Variants in GALNT13 observed in about 807,000 individuals in gnomAD.
GALNT13 encodes the protein polypeptide N-acetylgalactosaminyltransferase 13.
Under a neutral mutation model 64.2 loss-of-function variants are expected in GALNT13, and 28 were observed. That is an observed-to-expected ratio of 0.44 (90% CI 0.32 to 0.60). The LOEUF (loss-of-function observed/expected upper bound fraction) is 0.60. Among genes scored for constraint, GALNT13 ranks in the 20% least tolerant of loss-of-function variants. The pLI, the probability that GALNT13 is intolerant of heterozygous loss-of-function variation, is 0.05. For synonymous variants in GALNT13, 214 were observed against 224.6 expected, an observed-to-expected ratio of 0.95 and a Z score of 0.42; for missense variants, 577 against 669.8, an observed-to-expected ratio of 0.86 and a Z score of 1.53.
intron 12 of GALNT13, among the ~76,000 whole-genome samples, chr2:154,448,987 A>T (rs928001537): frequency 6.6e-6 from 1 of 152,178 alleles, no homozygotes; most frequent in South Asian, 2.1e-4. Context: ...TTGATTTTTA[A>T]CTAGAACTGT....
intron 4 of GALNT13, among the ~76,000 whole-genome samples, chr2:154,170,535 C>A (rs1357738126): frequency 6.6e-6 from 1 of 152,012 alleles, no homozygotes; most frequent in East Asian, 1.9e-4. Flanking sequence ...CCCAAAGAGC[C>A]CAGTTTGAGC....
At chr2:154,435,366 C>G (rs1179028360) in intron 11 of GALNT13, among the ~76,000 whole-genome samples, 1 of 152,140 alleles carries the variant, frequency 6.6e-6, no homozygotes, top group Non-Finnish European at 1.5e-5. Context: ...CATAGTCAGG[C>G]ATAAAGGTTT....
the GALNT13 span, among the ~76,000 whole-genome samples, chr2:153,777,528 G>A: frequency 6.6e-6 from 1 of 152,124 alleles, no homozygotes; most frequent in African/African-American, 2.4e-5. Flanking sequence ...GGCAGCTAGG[G>A]GATTGAACAG....
the GALNT13 span, among the ~76,000 whole-genome samples, chr2:153,371,529 T>C: frequency 2.0e-5 from 3 of 152,152 alleles, no homozygotes; most frequent in Admixed American, 1.3e-4. Flanking sequence ...ATTTGAAATA[T>C]GCAATTATAA....
intron 3 of GALNT13, among the ~76,000 whole-genome samples, chr2:153,968,954 T>G (rs552428352): frequency 1.4e-5 from 1 of 70,564 alleles, no homozygotes; most frequent in Non-Finnish European, 3.0e-5. Context: ...TTCTTTGAGT[T>G]TTTCTTTTTT....
chr2:154,242,959 G>T, intron 6 of GALNT13, 54 bp downstream of exon 6: 2 of 1,336,796 alleles, frequency 1.5e-6, no homozygotes, highest in South Asian at 1.3e-5. Flanking sequence ...TCTTAGGACA[G>T]TTCCAGATGT....
At chr2:153,192,195 T>G in the GALNT13 span, among the ~76,000 whole-genome samples, 4 of 152,046 alleles carry the variant, frequency 2.6e-5, no homozygotes, top group Admixed American at 1.3e-4. Context: ...AACTTCTATC[T>G]TAGCATTGTT....
chr2:154,178,162 G>A (rs1685758692), intron 4 of GALNT13, among the ~76,000 whole-genome samples: 1 of 152,062 alleles, frequency 6.6e-6, no homozygotes, highest in South Asian at 2.1e-4. Flanking sequence ...CTATAAGTTA[G>A]GTGCTAAGAT....
At chr2:153,940,142 C>T (rs1174661040) in intron 2 of GALNT13, among the ~76,000 whole-genome samples, 1 of 151,794 alleles carries the variant, frequency 6.6e-6, no homozygotes, top group Non-Finnish European at 1.5e-5. Context: ...ATTTATTTAG[C>T]ATTATATTTG....
chr2:153,963,731 CTGTGTGTGTGTGTGTGTG>C lies in GALNT13; in HGVS notation c.142+19126_142+19143del, dbSNP rs58455059. On this transcript the variant is annotated intron_variant, in intron 3 of 12. Coordinates refer to ENST00000392825, the MANE Select transcript of GALNT13 (RefSeq NM_052917.4). ...TCTCCGTCTCTCTCTCTCTCTCTCT[CTGTGTGTGTGTGTGTGTG>C]TGTGTGTGTGTGTGTGTGTGTGTGT... Among the ~76,000 whole-genome samples the C allele has an allele frequency of 4.2e-3, 420 of 100,852 alleles. 1 individual carries two copies. Among genetic ancestry groups the C allele is most frequent in the African/African-American group, 0.014 (383 of 27,826 alleles). 66.2% of individuals were successfully genotyped at this position (100,852 alleles called of 152,430 possible).
At chr2:154,093,650 AT>A (rs1701931374) in intron 3 of GALNT13, among the ~76,000 whole-genome samples, 1 of 148,340 alleles carries the variant, frequency 6.7e-6, no homozygotes, top group African/African-American at 2.5e-5. Flanking sequence ...CGTTTAAAGC[AT>A]TTTGCCACAC....
the GALNT13 span, among the ~76,000 whole-genome samples, chr2:153,093,094 G>A: frequency 6.6e-6 from 1 of 151,718 alleles, no homozygotes; most frequent in Non-Finnish European, 1.5e-5. Flanking sequence ...TGCTTTTTCA[G>A]CATCAATAGA....
intron 3 of GALNT13, among the ~76,000 whole-genome samples, chr2:153,984,685 T>C (rs1694678705): frequency 6.6e-6 from 1 of 151,870 alleles, no homozygotes; most frequent in African/African-American, 2.4e-5. Flanking sequence ...ATAAGCAACA[T>C]GATGCCCTCC....
chr2:153,262,743 G>T, the GALNT13 span, among the ~76,000 whole-genome samples: 1 of 151,994 alleles, frequency 6.6e-6, no homozygotes, highest in African/African-American at 2.4e-5. Flanking sequence ...CAGAGATAAA[G>T]TTCAACATCC....
chr2:153,785,424 C>T, the GALNT13 span, among the ~76,000 whole-genome samples: 30 of 152,250 alleles, frequency 2.0e-4, no homozygotes, highest in East Asian at 5.8e-3. Context: ...GTTGATATAG[C>T]CTTTAGGTAC....
At chr2:153,120,555 AG>A in the GALNT13 span, among the ~76,000 whole-genome samples, 12 of 152,218 alleles carry the variant, frequency 7.9e-5, no homozygotes, top group Non-Finnish European at 1.3e-4. Context: ...AATGGAAATA[AG>A]CATTTATCTA....
chr2:153,436,895 G>C, the GALNT13 span, among the ~76,000 whole-genome samples: 2 of 151,864 alleles, frequency 1.3e-5, no homozygotes, highest in Admixed American at 6.6e-5. Flanking sequence ...TCTTGCTTCT[G>C]TAGTTCTTTT....
the GALNT13 span, among the ~76,000 whole-genome samples, chr2:153,138,106 T>A: frequency 6.6e-6 from 1 of 152,102 alleles, no homozygotes; most frequent in Non-Finnish European, 1.5e-5. Context: ...ACTTTTATCA[T>A]CCCTATTTAC....
intron 3 of GALNT13, among the ~76,000 whole-genome samples, chr2:154,001,993 C>G (rs927182015): frequency 6.6e-6 from 1 of 151,860 alleles, no homozygotes; most frequent in Non-Finnish European, 1.5e-5. Context: ...AAATATTATC[C>G]CAGTCTTTCT....
Sources: allele counts gnomAD v4.1 joint callset (sites outside exome capture counted in the v4.1 genomes callset), GRCh38; gene constraint gnomAD v4.1.1; transcripts MANE v1.5; gene names NCBI Gene and HGNC (gene_info 2026-07-23, HGNC 2026-07-21).